The following CD163 variants were observed in gnomAD, a reference collection of about 807,000 sequenced individuals.
CD163 encodes the protein CD163 molecule.
A neutral mutation model predicts 129.2 loss-of-function variants in CD163; 64 were observed. That is an observed-to-expected ratio of 0.50 (90% CI 0.41 to 0.61). The LOEUF is 0.61. CD163 is among the 20% of genes least tolerant of loss of function. The probability of loss-of-function intolerance (pLI) is 0.00; values close to 1 mark genes in which losing one functional copy is unlikely to be tolerated. For synonymous variants in CD163, 446 were observed against 478.5 expected (o/e 0.93, Z 0.89); for missense variants, 1,061 against 1,377.9 (o/e 0.77, Z 3.64).
At chr12:7,480,899 A>G (rs1949153445) in intron 15 of CD163, 1 of 1,106,178 alleles carries the variant, frequency 9.0e-7, no homozygotes, top group Non-Finnish European at 1.1e-6. Flanking sequence ...ATGAGGTCCA[A>G]GTCATAATAT....
rs763338760 is a variant in CD163, at chr12:7,487,309, A to G, written c.2050+50T>C. 3 of 1,517,480 alleles carry G rather than the reference A, an allele frequency of 2.0e-6. No homozygotes were observed. Among genetic ancestry groups the G allele is most frequent in the Admixed American group, 4.5e-5 (2 of 44,570 alleles). The allele number at this position is 1,517,480 out of a possible 1,614,324, so 94.0% of individuals were successfully genotyped here. A position where few individuals can be genotyped will look rare whatever the true frequency, so the allele number is the denominator to read the frequency against. The stretch of plus-strand genomic sequence containing the variant: ...CGTTTTACTTTTGTTCTTCATCCCT[A>G]TGTACACCTTCTCTTAAGACCCATC... On this transcript the variant is annotated intron_variant, in intron 8 of 16. Transcript: ENST00000432237. This position sits in a 1 kb window ranked among gnomAD's most constrained non-coding sequence, Gnocchi z 5.1.
intron 1 of CD163, 147 bp downstream of exon 1, chr12:7,503,498 G>A (rs987892544): frequency 2.1e-6 from 1 of 470,578 alleles, no homozygotes; most frequent in Non-Finnish European, 3.8e-6. Context: ...ATCTATGGCA[G>A]ATCAAAGGTG....
At chr12:7,488,907 G>A (rs1307758559) in intron 6 of CD163, among the ~76,000 whole-genome samples, 1 of 152,070 alleles carries the variant, frequency 6.6e-6, no homozygotes, top group Admixed American at 6.6e-5. Flanking sequence ...ACAAATAATG[G>A]TAATAATGAT....
In CD163 at chr12:7,485,273, C is replaced by G; in HGVS notation, c.2602G>C (p.Gly868Arg). 1 of 1,614,170 alleles carries G rather than the reference C, an allele frequency of 6.2e-7. No homozygotes were observed. The highest frequency in any genetic ancestry group is 8.5e-7 in the Non-Finnish European group (1 of 1,180,010). Reference sequence around the variant, plus strand: ...TTGATTTTCCCTTTGTCTGCACAGCCCAGCTGCCTGCACACCACACCCACA... The same window carrying G: ...TTGATTTTCCCTTTGTCTGCACAGCGCAGCTGCCTGCACACCACACCCACA... ...TTVGVVCRQL[G>R]CADKGKINPA... Residue 868 changes from glycine to arginine, a missense_variant, in exon 11 of 17, where the codon GGC becomes CGC. Coordinates refer to ENST00000432237, the MANE Select transcript of CD163 (RefSeq NM_203416.4). This position sits in a 1 kb window ranked among gnomAD's most constrained non-coding sequence, Gnocchi z 4.5.
Position 7,483,619 on chromosome 12 carries a change from G to T in CD163, c.2836C>A (p.His946Asn). The T allele has an allele frequency of 6.2e-7, 1 of 1,612,970 alleles. No homozygotes were observed. Among genetic ancestry groups the T allele is most frequent in the Non-Finnish European group, 8.5e-7 (1 of 1,179,718 alleles). Residue 946 changes from histidine to asparagine, a missense_variant, in exon 12 of 17, where the codon CAT becomes AAT. Physicochemically the swap from His to Asn is moderately conservative, Grantham distance 68. Transcript: ENST00000432237. ...TSCSGRVEIW[H>N]GGSWGTVCDD... Reference sequence around the variant, plus strand: ...CACACTGTCCCCCAGGAACCTCCATGCCAGATCTCCACACGTCCAGAACAG... The same window carrying T: ...CACACTGTCCCCCAGGAACCTCCATTCCAGATCTCCACACGTCCAGAACAG...
intron 16 of CD163, among the ~76,000 whole-genome samples, chr12:7,476,252 G>C (rs1378001301): frequency 6.6e-6 from 1 of 152,062 alleles, no homozygotes; most frequent in Non-Finnish European, 1.5e-5. Flanking sequence ...AATTTGATAT[G>C]GAACAAAAAT....
chr12:7,479,100 C>T (rs184714278), intron 16 of CD163, among the ~76,000 whole-genome samples: 149 of 152,162 alleles, frequency 9.8e-4, no homozygotes, highest in African/African-American at 3.5e-3. Flanking sequence ...TGAAAGAGAA[C>T]ATAAAGTATA....
intron 16 of CD163, among the ~76,000 whole-genome samples, chr12:7,475,231 C>T (rs1490111536): frequency 6.6e-6 from 1 of 151,956 alleles, no homozygotes; most frequent in East Asian, 1.9e-4. Flanking sequence ...CTCCCTAACT[C>T]ATTTTATGAG....
At chr12:7,502,777 G>T (rs2136750187) in intron 1 of CD163, 1 of 589,866 alleles carries the variant, frequency 1.7e-6, no homozygotes, top group Non-Finnish European at 3.0e-6. Context: ...AGGCAACCTA[G>T]AGGTGACGGA....
chr12:7,479,541 G>T (rs777469433), intron 16 of CD163, among the ~76,000 whole-genome samples: 1 of 152,048 alleles, frequency 6.6e-6, no homozygotes, highest in Non-Finnish European at 1.5e-5. Flanking sequence ...ATACGATGTA[G>T]ATGTATAATA....
chr12:7,484,107 G>T (rs1017900653), intron 11 of CD163, among the ~76,000 whole-genome samples: 1 of 151,544 alleles, frequency 6.6e-6, no homozygotes, highest in Admixed American at 6.6e-5. Flanking sequence ...CCCAAAGTCC[G>T]ATTACAGGCG....
At position 7,471,993 on chromosome 12, in the gene CD163, T is replaced by C. The variant is rs757321758; in HGVS notation, c.*32-596A>G. The C allele has an allele frequency of 2.6e-5, 4 of 152,432 alleles. No individual in the cohort carries two copies. The East Asian group carries it at 7.7e-4, about 30-fold the overall frequency. The allele number at this position is 152,432 out of a possible 1,614,324, so 9.4% of individuals were successfully genotyped here. A position where few individuals can be genotyped will look rare whatever the true frequency, so the allele number is the denominator to read the frequency against. On this transcript the variant is annotated intron_variant, in intron 16 of 16. Transcript: ENST00000432237. ...GAGGCCAAGGAGGCCGTTGGCCAGA[T>C]TGCCTCTCTAGATTCCTCCTCTCTG...
rs1224040347 is a variant in CD163 at position 7,487,754 on chromosome 12, G to T, written c.1735+19C>A. Reference sequence around the variant, plus strand: ...TTTCACAGTATGAGAACCAATTAAAGATGTTTTCTGGGTCTTACTTGAGCA... The same window carrying T: ...TTTCACAGTATGAGAACCAATTAAATATGTTTTCTGGGTCTTACTTGAGCA... On this transcript the variant is annotated intron_variant, in intron 7 of 16. Transcript: ENST00000432237. The surrounding 1 kb of genome is among the most constrained non-coding windows in gnomAD (Gnocchi z 5.1). 5 of 1,613,916 alleles carry T rather than the reference G, an allele frequency of 3.1e-6. 1 individual carries two copies. The South Asian group carries it at 5.5e-5, about 18-fold the overall frequency.
At position 7,485,070 on chromosome 12, in the gene CD163, T is replaced by C. The variant is rs760978773; in HGVS notation, c.2779+26A>G. 6 of 1,550,768 alleles carry C rather than the reference T, an allele frequency of 3.9e-6. No homozygotes were observed. The Admixed American group carries it at 1.1e-4, about 29-fold the overall frequency. ...TGATAGCGGGGCTGCAGAATGGAAT[T>C]TTCATATAGGTCGATGGATACTCAC... On this transcript the variant is annotated intron_variant, in intron 11 of 16. Transcript: ENST00000432237. This position sits in a 1 kb window ranked among gnomAD's most constrained non-coding sequence, Gnocchi z 4.5.
intron 16 of CD163, among the ~76,000 whole-genome samples, chr12:7,473,776 C>T (rs1305113897): frequency 6.6e-6 from 1 of 152,062 alleles, no homozygotes; most frequent in Non-Finnish European, 1.5e-5. Context: ...AAGACACAGA[C>T]TGGCAAATTG....
chr12:7,484,009 T>G (rs939266651), intron 11 of CD163, among the ~76,000 whole-genome samples: 1 of 150,434 alleles, frequency 6.6e-6, no homozygotes, highest in African/African-American at 2.4e-5. Context: ...CCCGGCTAAT[T>G]TTTTGTATTT....
chr12:7,483,431 A>G lies in CD163; in HGVS notation c.3024T>C (p.Cys1008=), dbSNP rs78817356. 4.1e-3 allele frequency: 6,690 copies of G among 1,614,072 alleles called. 245 individuals carry two copies. In the African/African-American group the frequency reaches 0.078, roughly 19 times the overall value. The change falls in exon 12 of 17, where the codon TGT becomes TGC. Residue 1008 remains cysteine, a synonymous_variant. Transcript: ENST00000432237. ...CKGNESSLWD[C]PARRWGHSEC... ...CACTATGGCCCCAGCGTCTGGCAGG[A>G]CAATCCCACAAGGAAGACTCATTCC...
Position 7,496,138 on chromosome 12 carries a change from C to T in CD163, c.1099+675G>A, listed in dbSNP as rs746499097. On this transcript the variant is annotated intron_variant, in intron 5 of 16. Coordinates refer to ENST00000432237, the MANE Select transcript of CD163 (RefSeq NM_203416.4). This position sits in a 1 kb window ranked among gnomAD's most constrained non-coding sequence, Gnocchi z 4.8. ...GGTACATATACACCATGGAATACTA[C>T]GCAGCCATAAAAAAGAATGAGTTTA... is the stretch of plus-strand genomic sequence containing the variant. Among the ~76,000 whole-genome samples the T allele has an allele frequency of 3.9e-4, 59 of 152,182 alleles. No homozygotes were observed. The highest frequency in any genetic ancestry group is 1.3e-3 in the African/African-American group (53 of 41,524).
chr12:7,482,885 C>A, intron 13 of CD163, 81 bp downstream of exon 13: 1 of 1,583,210 alleles, frequency 6.3e-7, no homozygotes, highest in Middle Eastern at 1.7e-4. Flanking sequence ...ATCCTCAGAA[C>A]GTCTGACCTA....
Sources: gnomAD v4.1 joint callset for allele counts (sites outside exome capture counted in the v4.1 genomes callset) on GRCh38, gnomAD v4.1.1 for gene constraint, Gnocchi (gnomAD v3.1) non-coding constraint, MANE v1.5 for transcripts, NCBI Gene and HGNC (gene_info 2026-07-23, HGNC 2026-07-21) for gene names.